EVA1A: variants seen among roughly 807,000 people sequenced by gnomAD.
The protein encoded by EVA1A is protein eva-1 homolog A.
EVA1A carries 7 observed loss-of-function variants against 9.8 expected under a neutral mutation model. That is an observed-to-expected ratio of 0.71 (90% CI 0.41 to 1.34). The LOEUF is 1.34. EVA1A is among the 40% of genes most tolerant of loss of function. The probability of loss-of-function intolerance (pLI) is 0.01; values close to 1 mark genes in which losing one functional copy is unlikely to be tolerated. For missense variants in EVA1A, 206 were observed against 205.9 expected, an observed-to-expected ratio of 1.00 and a Z score of 0.00; for synonymous variants, 90 against 85.6, an observed-to-expected ratio of 1.05 and a Z score of -0.28.
chr2:75,547,925 T>C (rs1676388105), intron 1 of EVA1A, among the ~76,000 whole-genome samples: 1 of 152,240 alleles, frequency 6.6e-6, no homozygotes, highest in Admixed American at 6.5e-5. Flanking sequence ...TTGCATATTG[T>C]CTGTGGCTCC....
At chr2:75,512,608 G>A (rs1572956425) in intron 3 of EVA1A, among the ~76,000 whole-genome samples, 1 of 152,180 alleles carries the variant, frequency 6.6e-6, no homozygotes. Context: ...AGTAGTAAAG[G>A]TCAGACATTA....
chr2:75,529,042 C>T (rs756456879), intron 1 of EVA1A, among the ~76,000 whole-genome samples: 32 of 152,212 alleles, frequency 2.1e-4, no homozygotes, highest in Non-Finnish European at 3.1e-4. Flanking sequence ...CAAGGACTCT[C>T]ACAGAATCCA....
At chr2:75,532,580 C>G (rs1048945867) in intron 1 of EVA1A, among the ~76,000 whole-genome samples, 1 of 151,824 alleles carries the variant, frequency 6.6e-6, no homozygotes, top group African/African-American at 2.4e-5. Flanking sequence ...AGTTGAACTA[C>G]AGAGGAAAAA....
At chr2:75,558,287 T>C (rs934873954) in intron 1 of EVA1A, among the ~76,000 whole-genome samples, 1 of 152,186 alleles carries the variant, frequency 6.6e-6, no homozygotes. Flanking sequence ...TATTTCTTCT[T>C]ACCAAGAAGA....
chr2:75,549,325 G>T (rs1301193895), intron 1 of EVA1A, among the ~76,000 whole-genome samples: 1 of 152,122 alleles, frequency 6.6e-6, no homozygotes, highest in East Asian at 1.9e-4. Flanking sequence ...AACCACATTT[G>T]TGCGGAGCCA....
chr2:75,523,030 T>C (rs559165621), intron 1 of EVA1A, among the ~76,000 whole-genome samples: 105 of 152,366 alleles, frequency 6.9e-4, no homozygotes, highest in Non-Finnish European at 1.1e-3. Flanking sequence ...ATCTCCTCTC[T>C]GTGTCTAGCT....
intron 1 of EVA1A, among the ~76,000 whole-genome samples, chr2:75,549,710 G>A (rs989332027): frequency 3.3e-5 from 5 of 152,326 alleles, no homozygotes; most frequent in African/African-American, 1.2e-4. Flanking sequence ...AAATAATTCA[G>A]CTGAGCTGCT....
intron 3 of EVA1A, among the ~76,000 whole-genome samples, chr2:75,494,398 G>A (rs1009750395): frequency 4.6e-5 from 7 of 152,188 alleles, no homozygotes; most frequent in African/African-American, 1.7e-4. Context: ...AAAGCAATGG[G>A]TGATTCTAAG....
intron 3 of EVA1A, among the ~76,000 whole-genome samples, chr2:75,502,530 T>C (rs902290284): frequency 6.6e-6 from 1 of 152,176 alleles, no homozygotes; most frequent in Non-Finnish European, 1.5e-5. Flanking sequence ...CAGATATACA[T>C]ATTGCATACA....
intron 3 of EVA1A, among the ~76,000 whole-genome samples, chr2:75,496,199 G>GA (rs907824042): frequency 4.6e-5 from 7 of 151,560 alleles, no homozygotes; most frequent in South Asian, 2.1e-4. Flanking sequence ...TTAGGCAAGA[G>GA]AAAAAAAACA....
upstream of EVA1A, among the ~76,000 whole-genome samples, chr2:75,565,643 A>G (rs1378319677): frequency 6.6e-6 from 1 of 152,198 alleles, no homozygotes; most frequent in African/African-American, 2.4e-5. Flanking sequence ...GCTATTTACA[A>G]GAAGCCTTCA....
chr2:75,541,559 A>C (rs1676119158), intron 1 of EVA1A, among the ~76,000 whole-genome samples: 1 of 152,148 alleles, frequency 6.6e-6, no homozygotes, highest in Non-Finnish European at 1.5e-5. Flanking sequence ...TCTGGGCATC[A>C]AGGTGGGCTG....
At chr2:75,528,453 G>T (rs1675530659) in intron 1 of EVA1A, among the ~76,000 whole-genome samples, 1 of 152,170 alleles carries the variant, frequency 6.6e-6, no homozygotes, top group African/African-American at 2.4e-5. Context: ...AGTGAGACTG[G>T]CCTTGCTGGC....
At chr2:75,526,544 G>A (rs1215958857) in intron 1 of EVA1A, among the ~76,000 whole-genome samples, 1 of 152,172 alleles carries the variant, frequency 6.6e-6, no homozygotes, top group Non-Finnish European at 1.5e-5. Flanking sequence ...AGTTGCCTAA[G>A]ATCACCTAGC....
At chr2:75,532,567 C>T (rs1035855239) in intron 1 of EVA1A, among the ~76,000 whole-genome samples, 1 of 152,102 alleles carries the variant, frequency 6.6e-6, no homozygotes, top group Admixed American at 6.5e-5. Context: ...ATAGAAATTA[C>T]TTAGTTGAAC....
chr2:75,566,843 C>CT (rs201793058), intron 1 of EVA1A, among the ~76,000 whole-genome samples: 3,089 of 147,142 alleles, frequency 0.021, 86 homozygotes, highest in African/African-American at 0.065. Flanking sequence ...AAATTTGCTT[C>CT]TTTATTTTTT....
intron 3 of EVA1A, among the ~76,000 whole-genome samples, chr2:75,496,247 C>G (rs1210896536): frequency 6.6e-6 from 1 of 152,180 alleles, no homozygotes. Flanking sequence ...GTCAAACTAT[C>G]ACTTTTCGCA....
At chr2:75,545,330 G>A (rs1369860716) in intron 1 of EVA1A, among the ~76,000 whole-genome samples, 1 of 152,222 alleles carries the variant, frequency 6.6e-6, no homozygotes, top group Non-Finnish European at 1.5e-5. Flanking sequence ...CAATGAAGCA[G>A]AAATAGTGTG....
intron 1 of EVA1A, among the ~76,000 whole-genome samples, chr2:75,540,361 TG>T (rs1676067005): frequency 6.6e-6 from 1 of 152,232 alleles, no homozygotes; most frequent in African/African-American, 2.4e-5. Context: ...AAGCACAAGC[TG>T]GGGCTCATTC....
Sources: gnomAD v4.1 joint callset for allele counts (sites outside exome capture counted in the v4.1 genomes callset) on GRCh38, gnomAD v4.1.1 for gene constraint, MANE v1.5 for transcripts, NCBI Gene and HGNC (gene_info 2026-07-23, HGNC 2026-07-21) for gene names.